SIPA1L1: variants seen among roughly 807,000 people sequenced by gnomAD.
SIPA1L1 encodes the protein signal-induced proliferation-associated 1-like protein 1.
In SIPA1L1, 26 loss-of-function variants were observed where a neutral mutation model predicts 162.7. The observed-to-expected ratio is 0.16, with a 90% CI of 0.12 to 0.22. The LOEUF (loss-of-function observed/expected upper bound fraction) is 0.22, where lower values mean the gene tolerates loss of function less well. SIPA1L1 is among the 10% of genes least tolerant of loss of function. The pLI, the probability that SIPA1L1 is intolerant of heterozygous loss-of-function variation, is 1.00. For missense variants in SIPA1L1, 1,874 were observed against 2,241.0 expected, an observed-to-expected ratio of 0.84 and a Z score of 3.31; for synonymous variants, 829 against 837.4, an observed-to-expected ratio of 0.99 and a Z score of 0.17.
chr14:71,485,559 A>C lies in SIPA1L1; in HGVS notation c.-464-27184A>C, dbSNP rs141914749. Among the ~76,000 whole-genome samples the C allele has an allele frequency of 1.7e-3, 259 of 151,368 alleles. 1 individual carries two copies. Among genetic ancestry groups the C allele is most frequent in the African/African-American group, 5.7e-3 (234 of 41,186 alleles). On this transcript the variant is annotated intron_variant, in intron 2 of 23. Coordinates refer to ENST00000381232, the MANE Select transcript of SIPA1L1 (RefSeq NM_001386936.1). ...GCCCGATGATCTGTCACTGTCTCCCATCACCCCCAGATGGGACCATCTAGT... is the reference window on the plus strand; with the variant it reads ...GCCCGATGATCTGTCACTGTCTCCCCTCACCCCCAGATGGGACCATCTAGT...
chr14:71,515,774 A>G (rs1416930872), intron 3 of SIPA1L1, among the ~76,000 whole-genome samples: 1 of 152,056 alleles, frequency 6.6e-6, no homozygotes, highest in African/African-American at 2.4e-5. Flanking sequence ...AATAACTGCT[A>G]CTACACGCAC....
intron 7 of SIPA1L1, among the ~76,000 whole-genome samples, chr14:71,631,595 T>C (rs779313443): frequency 5.3e-5 from 8 of 152,226 alleles, no homozygotes; most frequent in Non-Finnish European, 8.8e-5. Context: ...ACAATAACAT[T>C]ATTAGGTAAA....
chr14:71,479,394 C>T (rs561596142), intron 2 of SIPA1L1, among the ~76,000 whole-genome samples: 16 of 139,804 alleles, frequency 1.1e-4, no homozygotes, highest in African/African-American at 3.9e-4. Flanking sequence ...TGTATGTATT[C>T]ATTCATTCAT....
chr14:71,488,223 C>T (rs906762934), intron 2 of SIPA1L1, among the ~76,000 whole-genome samples: 8 of 152,038 alleles, frequency 5.3e-5, no homozygotes, highest in African/African-American at 1.9e-4. Context: ...TACAAATGGG[C>T]ACATCTGCTA....
chr14:71,357,179 C>T (rs2037357669), intron 2 of SIPA1L1, among the ~76,000 whole-genome samples: 1 of 152,120 alleles, frequency 6.6e-6, no homozygotes, highest in South Asian at 2.1e-4. Flanking sequence ...TCCCCTTCAG[C>T]CTCCCGAGTA....
intron 2 of SIPA1L1, among the ~76,000 whole-genome samples, chr14:71,327,290 G>A (rs910421069): frequency 2.6e-5 from 4 of 152,066 alleles, no homozygotes; most frequent in South Asian, 2.1e-4. Flanking sequence ...CACCATATTG[G>A]CCAGGCTGGT....
At chr14:71,410,566 C>A (rs994356639) in intron 2 of SIPA1L1, among the ~76,000 whole-genome samples, 1 of 152,144 alleles carries the variant, frequency 6.6e-6, no homozygotes, top group Non-Finnish European at 1.5e-5. Context: ...AGTATACTTA[C>A]CAGTTCAGCA....
chr14:71,340,495 T>G (rs1173179135), intron 2 of SIPA1L1, among the ~76,000 whole-genome samples: 1 of 152,190 alleles, frequency 6.6e-6, no homozygotes, highest in Non-Finnish European at 1.5e-5. Context: ...TATCAACATT[T>G]AACAGATGTA....
intron 2 of SIPA1L1, among the ~76,000 whole-genome samples, chr14:71,374,469 T>C (rs550304733): frequency 9.4e-4 from 143 of 151,910 alleles, no homozygotes; most frequent in Non-Finnish European, 1.7e-3. Context: ...TATTATTTTT[T>C]ATAAATCTAT....
chr14:71,730,361 A>G, intron 20 of SIPA1L1, 60 bp downstream of exon 20: 1 of 1,586,688 alleles, frequency 6.3e-7, no homozygotes, highest in African/African-American at 1.3e-5. Context: ...GTGTCCCCAG[A>G]CGTGGCTGCC....
chr14:71,555,633 C>T (rs1392416842), intron 4 of SIPA1L1, among the ~76,000 whole-genome samples: 1 of 152,214 alleles, frequency 6.6e-6, no homozygotes, highest in Admixed American at 6.5e-5. Context: ...TAGCTTTCAG[C>T]CTCTCAACTT....
intron 4 of SIPA1L1, among the ~76,000 whole-genome samples, chr14:71,550,069 A>T (rs2055654212): frequency 6.6e-6 from 1 of 152,150 alleles, no homozygotes; most frequent in East Asian, 1.9e-4. Flanking sequence ...AACCACAGCG[A>T]GACCCTGTAT....
chr14:71,638,743 GC>G (rs1379439907), intron 7 of SIPA1L1, among the ~76,000 whole-genome samples: 1 of 152,220 alleles, frequency 6.6e-6, no homozygotes, highest in Non-Finnish European at 1.5e-5. Context: ...TGGTCTGTTT[GC>G]AAAACCCTAA....
intron 4 of SIPA1L1, among the ~76,000 whole-genome samples, chr14:71,568,528 G>C (rs1294033804): frequency 2.6e-5 from 4 of 152,008 alleles, no homozygotes; most frequent in Admixed American, 2.6e-4. Flanking sequence ...TTCCTCCTTG[G>C]TTCGCTAGGA....
chr14:71,433,019 G>T (rs866151931), intron 2 of SIPA1L1, among the ~76,000 whole-genome samples: 28 of 152,112 alleles, frequency 1.8e-4, no homozygotes, highest in Middle Eastern at 3.2e-3. Flanking sequence ...ATGGAAAGGG[G>T]TATAATAGAG....
intron 7 of SIPA1L1, among the ~76,000 whole-genome samples, chr14:71,646,367 G>A (rs543400298): frequency 1.3e-4 from 20 of 152,130 alleles, no homozygotes; most frequent in African/African-American, 4.1e-4. Context: ...TAGTAGAGAC[G>A]GGGTTTCACC....
chr14:71,633,155 A>ATGTTATGTTATGTTCTGTTC (rs1555488061), intron 7 of SIPA1L1, among the ~76,000 whole-genome samples: 1 of 126,006 alleles, frequency 7.9e-6, no homozygotes, highest in Non-Finnish European at 1.8e-5. Flanking sequence ...ATGTTATGTT[A>ATGTTATGTTATGTTCTGTTC]TGTTCTGTTC....
intron 2 of SIPA1L1, among the ~76,000 whole-genome samples, chr14:71,457,789 G>A (rs2046298959): frequency 6.6e-6 from 1 of 151,532 alleles, no homozygotes; most frequent in Non-Finnish European, 1.5e-5. Flanking sequence ...AGAGATGGGG[G>A]TTTCACCATG....
chr14:71,618,688 GAGCAGAATGTAACATTTTCAA>G, intron 5 of SIPA1L1, 48 bp from the exon 6 acceptor site: 2 of 1,426,102 alleles, frequency 1.4e-6, no homozygotes, highest in Non-Finnish European at 9.6e-7. Context: ...CTTAAATACT[GAGCAGAATGTAACATTTTCAA>G]AGTGTTAGGT....
Sources: allele counts gnomAD v4.1 joint callset (sites outside exome capture counted in the v4.1 genomes callset), GRCh38; gene constraint gnomAD v4.1.1; transcripts MANE v1.5; gene names NCBI Gene and HGNC (gene_info 2026-07-23, HGNC 2026-07-21).